The following ATRNL1 variants were observed in gnomAD, a reference collection of about 807,000 sequenced individuals.
ATRNL1 encodes the protein attractin-like protein 1.
Under a neutral mutation model 182.7 loss-of-function variants are expected in ATRNL1, and 95 were observed. That is an observed-to-expected ratio of 0.52 (90% CI 0.44 to 0.62). The LOEUF (loss-of-function observed/expected upper bound fraction) is 0.62. ATRNL1 is among the 20% of genes least tolerant of loss of function. The probability of loss-of-function intolerance (pLI) is 0.00; values close to 1 mark genes in which losing one functional copy is unlikely to be tolerated. For missense variants in ATRNL1, 1,471 were observed against 1,679.5 expected, an observed-to-expected ratio of 0.88 and a Z score of 2.17; for synonymous variants, 576 against 568.3, an observed-to-expected ratio of 1.01 and a Z score of -0.19.
At chr10:115,226,777 CACTT>C (rs1161837015) in intron 9 of ATRNL1, among the ~76,000 whole-genome samples, 4 of 151,966 alleles carry the variant, frequency 2.6e-5, no homozygotes, top group Admixed American at 6.6e-5. Flanking sequence ...TAACGCCACA[CACTT>C]ACAATCATCT....
At chr10:115,563,937 T>C (rs577476140) in intron 26 of ATRNL1, among the ~76,000 whole-genome samples, 5 of 152,216 alleles carry the variant, frequency 3.3e-5, no homozygotes, top group African/African-American at 1.2e-4. Flanking sequence ...GTCTGGTTGA[T>C]TTTGATATCC....
chr10:115,474,242 T>C lies in ATRNL1; in HGVS notation c.3654+4913T>C, dbSNP rs150343213. Among the ~76,000 whole-genome samples, 55 of 151,490 alleles carry C rather than the reference T, an allele frequency of 3.6e-4. 2 individuals are homozygous for C. The East Asian group carries it at 9.7e-3, about 27-fold the overall frequency. The stretch of plus-strand genomic sequence containing the variant: ...CATTGCCAGGTAAGGTATTCTTGGT[T>C]GGTAGTACTTTTCTTTTAGCACTTT... On this transcript the variant is annotated intron_variant, in intron 24 of 28. Transcript: ENST00000355044.
intron 26 of ATRNL1, 69 bp downstream of exon 26, chr10:115,549,605 A>C: frequency 9.6e-7 from 1 of 1,039,256 alleles, no homozygotes; most frequent in Non-Finnish European, 1.4e-6. Flanking sequence ...ATTGTCTGTT[A>C]ATTACCATGC....
chr10:115,444,717 A>G (rs1554966319), intron 21 of ATRNL1, among the ~76,000 whole-genome samples: 1 of 150,012 alleles, frequency 6.7e-6, no homozygotes, highest in East Asian at 2.0e-4. Context: ...ATTTTATTTT[A>G]TTTTATTTTA....
chr10:115,221,986 G>A (rs972913812), intron 9 of ATRNL1, among the ~76,000 whole-genome samples: 2 of 151,652 alleles, frequency 1.3e-5, no homozygotes, highest in East Asian at 1.9e-4. Flanking sequence ...GATAAGATAC[G>A]AAAAAACAAC....
intron 25 of ATRNL1, among the ~76,000 whole-genome samples, chr10:115,532,538 G>A (rs1554988687): frequency 2.0e-5 from 3 of 151,764 alleles, no homozygotes; most frequent in African/African-American, 7.3e-5. Context: ...GAGACAGTGG[G>A]GTTTTCTAGA....
At chr10:115,221,547 T>C (rs373548815) in intron 9 of ATRNL1, among the ~76,000 whole-genome samples, 16 of 152,264 alleles carry the variant, frequency 1.1e-4, no homozygotes, top group South Asian at 1.0e-3. Flanking sequence ...ATCAAAACCA[T>C]GAGAATTTGT....
At chr10:115,251,424 T>C (rs1850872244) in intron 10 of ATRNL1, among the ~76,000 whole-genome samples, 1 of 152,182 alleles carries the variant, frequency 6.6e-6, no homozygotes, top group South Asian at 2.1e-4. Flanking sequence ...GAAGACATGA[T>C]CACTGGGTGA....
In ATRNL1 at chr10:115,315,634, G is replaced by A; in HGVS notation, c.2935G>A (p.Gly979Arg). The change falls in exon 18 of 29, where the codon GGA (glycine) becomes AGA (arginine). Residue 979 changes from glycine to arginine, a missense_variant. By Grantham distance (125) the Gly-to-Arg change is moderately radical. Around this residue, in one of 3 missense-constraint regions of ATRNL1, gnomAD observed 437 missense variants for 506.0 expected, o/e 0.86. Coordinates refer to ENST00000355044, the MANE Select transcript of ATRNL1 (RefSeq NM_207303.4). ...ACATTGCATTGAAGGTTCTTCACGG[G>A]GACCAATGAAGCTTATTGGAATGCA... ...RGHCIEGSSR[G>R]PMKLIGMHHS... 1 of 1,613,812 alleles carries A rather than the reference G, an allele frequency of 6.2e-7. No individual in the cohort carries two copies. Among genetic ancestry groups the A allele is most frequent in the Non-Finnish European group, 8.5e-7 (1 of 1,179,916 alleles).
chr10:115,646,204 G>T (rs890347973), intron 26 of ATRNL1, among the ~76,000 whole-genome samples: 2 of 151,854 alleles, frequency 1.3e-5, no homozygotes, highest in Non-Finnish European at 2.9e-5. Flanking sequence ...TCTAATATTC[G>T]TTTAAAACTG....
intron 26 of ATRNL1, among the ~76,000 whole-genome samples, chr10:115,706,803 C>G (rs1456332395): frequency 6.6e-6 from 1 of 151,830 alleles, no homozygotes; most frequent in Non-Finnish European, 1.5e-5. Flanking sequence ...TTTTATCACA[C>G]TAGATCATTT....
intron 21 of ATRNL1, among the ~76,000 whole-genome samples, chr10:115,433,058 G>C (rs904280629): frequency 2.0e-5 from 3 of 151,840 alleles, no homozygotes; most frequent in Non-Finnish European, 4.4e-5. Context: ...ATACTTCCAA[G>C]TAATTGAACA....
intron 28 of ATRNL1, among the ~76,000 whole-genome samples, chr10:115,943,244 T>G (rs1474842239): frequency 3.3e-5 from 5 of 152,136 alleles, no homozygotes; most frequent in Non-Finnish European, 5.9e-5. Context: ...AGCCATAGAC[T>G]GGGAAAAAAA....
chr10:115,594,515 G>A (rs1212561429), intron 26 of ATRNL1, among the ~76,000 whole-genome samples: 1 of 151,972 alleles, frequency 6.6e-6, no homozygotes, highest in African/African-American at 2.4e-5. Flanking sequence ...TTTTTGTTTT[G>A]TTTTGTTTTG....
At chr10:115,929,981 A>G (rs1953346938) in intron 28 of ATRNL1, among the ~76,000 whole-genome samples, 1 of 152,118 alleles carries the variant, frequency 6.6e-6, no homozygotes, top group Non-Finnish European at 1.5e-5. Context: ...AGTTCCTAAA[A>G]TCTTTCCAAA....
intron 20 of ATRNL1, among the ~76,000 whole-genome samples, chr10:115,406,415 CATATTTTCAACTTTGGAAA>C (rs1194543533): frequency 2.8e-4 from 43 of 152,100 alleles, no homozygotes; most frequent in African/African-American, 1.0e-3. Flanking sequence ...ATTCATTATT[CATATTTTCAACTTTGGAAA>C]ATTAACTGTT....
chr10:115,942,409 T>C (rs1421351717), intron 28 of ATRNL1, among the ~76,000 whole-genome samples: 1 of 152,248 alleles, frequency 6.6e-6, no homozygotes, highest in Non-Finnish European at 1.5e-5. Flanking sequence ...TCTAATGGCC[T>C]TTGCCACAGG....
At chr10:115,249,281 A>G (rs2133838118) in intron 10 of ATRNL1, among the ~76,000 whole-genome samples, 1 of 152,162 alleles carries the variant, frequency 6.6e-6, no homozygotes, top group East Asian at 1.9e-4. Context: ...TGCGTGAGCC[A>G]CCGTGCCTGG....
intron 10 of ATRNL1, among the ~76,000 whole-genome samples, chr10:115,249,775 G>C (rs1229798330): frequency 6.6e-6 from 1 of 151,994 alleles, no homozygotes; most frequent in African/African-American, 2.4e-5. Flanking sequence ...TTTTCATGAT[G>C]TCAGTAACTA....
Sources: allele counts gnomAD v4.1 joint callset (sites outside exome capture counted in the v4.1 genomes callset), GRCh38; gene constraint gnomAD v4.1.1; regional missense constraint gnomAD v4.1.1; transcripts MANE v1.5; gene names NCBI Gene and HGNC (gene_info 2026-07-23, HGNC 2026-07-21).